The following FAM114A1 variants were observed in gnomAD, a reference collection of about 807,000 sequenced individuals.
The protein encoded by FAM114A1 is family with sequence similarity 114 member A1.
A neutral mutation model predicts 64.3 loss-of-function variants in FAM114A1; 62 were observed. The observed-to-expected ratio is 0.96, with a 90% CI of 0.79 to 1.19. The LOEUF (loss-of-function observed/expected upper bound fraction) is 1.19. FAM114A1 is among the 50% of genes most tolerant of loss of function. The pLI, the probability that FAM114A1 is intolerant of heterozygous loss-of-function variation, is 0.00. For missense variants in FAM114A1, 645 were observed against 676.3 expected (o/e 0.95, Z 0.51); for synonymous variants, 254 against 251.1 (o/e 1.01, Z -0.11).
Position 38,941,033 on chromosome 4 carries a change from C to G in FAM114A1, c.1590+12C>G. 6.2e-7 allele frequency: 1 copy of G among 1,611,182 alleles called. No individual in the cohort carries two copies. The highest frequency in any genetic ancestry group is 8.5e-7 in the Non-Finnish European group (1 of 1,178,846). Reference sequence around the variant, plus strand: ...GTGTATTGTTAGAGGTAAGTGGCCTCTGGAGAGAAAGTGCTTCTGAATCAA... The same window carrying G: ...GTGTATTGTTAGAGGTAAGTGGCCTGTGGAGAGAAAGTGCTTCTGAATCAA... On this transcript the variant is annotated intron_variant, in intron 14 of 14. Transcript: ENST00000358869.
chr4:38,899,274 C>T (rs551233921), intron 4 of FAM114A1, among the ~76,000 whole-genome samples: 1 of 152,250 alleles, frequency 6.6e-6, no homozygotes, highest in East Asian at 1.9e-4. Context: ...GAGGTCTTAA[C>T]CTATCCCATT....
In FAM114A1 at chr4:38,871,086, C is replaced by CT. The variant is rs9306968; in HGVS notation, c.-9+2561dup. ...TTGCATGGCTTTCTTTTTTTTCTTT[C>CT]TTTTTTTTTTTTTTTTTTTTTGCGA... is the stretch of plus-strand genomic sequence containing the variant. On this transcript the variant is annotated intron_variant, in intron 2 of 14. Transcript: ENST00000358869. 8.6e-3 allele frequency among the ~76,000 whole-genome samples: 807 copies of CT among 93,948 alleles called. 9 individuals are homozygous for CT. Among genetic ancestry groups the CT allele is most frequent in the South Asian group, 0.032 (93 of 2,926 alleles). 61.6% of individuals were successfully genotyped at this position (93,948 alleles called of 152,430 possible). A position where few individuals can be genotyped will look rare whatever the true frequency, so the allele number is the denominator to read the frequency against.
chr4:38,943,819 C>A lies in FAM114A1; in HGVS notation c.*262C>A. The A allele has an allele frequency of 3.2e-6, 1 of 313,550 alleles. No homozygotes were observed. Among genetic ancestry groups the A allele is most frequent in the Non-Finnish European group, 6.1e-6 (1 of 164,780 alleles). 19.4% of individuals were successfully genotyped at this position (313,550 alleles called of 1,614,324 possible). A position where few individuals can be genotyped will look rare whatever the true frequency, so the allele number is the denominator to read the frequency against. Reference sequence around the variant, plus strand: ...GCTTATATTGAAAATTTCCTTTCATCTGAAATTTATTTACAAATATTCGTG... The same window carrying A: ...GCTTATATTGAAAATTTCCTTTCATATGAAATTTATTTACAAATATTCGTG... On this transcript the variant is annotated 3_prime_UTR_variant, in exon 15 of 15. Coordinates refer to ENST00000358869, the MANE Select transcript of FAM114A1 (RefSeq NM_138389.4).
chr4:38,921,508 C>T (rs1206784755), intron 8 of FAM114A1, among the ~76,000 whole-genome samples: 5 of 152,172 alleles, frequency 3.3e-5, no homozygotes, highest in Non-Finnish European at 4.4e-5. Context: ...GTGATCCTCC[C>T]GCCTCAGCCT....
chr4:38,905,959 T>C lies in FAM114A1; in HGVS notation c.657+98T>C, dbSNP rs111373482. The C allele has an allele frequency of 1.3e-4, 139 of 1,052,396 alleles. 2 individuals are homozygous for C. In the African/African-American group the frequency reaches 1.5e-3, roughly 11 times the overall value. The allele number at this position is 1,052,396 out of a possible 1,614,324, so 65.2% of individuals were successfully genotyped here. On this transcript the variant is annotated intron_variant, in intron 6 of 14. Transcript: ENST00000358869. ...TGACCTAGATACATCAGAGAAACGA[T>C]GGCCTTGCTCAGAACTTTGGATTAT...
chr4:38,918,081 G>A (rs890581427), intron 8 of FAM114A1, among the ~76,000 whole-genome samples: 5 of 151,816 alleles, frequency 3.3e-5, no homozygotes, highest in East Asian at 1.9e-4. Flanking sequence ...AAAATTAGCC[G>A]GGCATGGTGA....
chr4:38,932,391 T>G lies in FAM114A1; in HGVS notation c.1463+17T>G. 6.3e-7 allele frequency: 1 copy of G among 1,582,490 alleles called. No homozygotes were observed. The highest frequency in any genetic ancestry group is 2.2e-5 in the East Asian group (1 of 44,494). Reference sequence around the variant, plus strand: ...TCTAATAAAGTAAGTAAATGTTACTTTAAATTCTTATTTTCCCAGTTTTAT... The same window carrying G: ...TCTAATAAAGTAAGTAAATGTTACTGTAAATTCTTATTTTCCCAGTTTTAT... On this transcript the variant is annotated intron_variant, in intron 12 of 14. Coordinates refer to ENST00000358869, the MANE Select transcript of FAM114A1 (RefSeq NM_138389.4).
rs190429209 is a variant in FAM114A1, at chr4:38,883,267, C to T, written c.348+4841C>T. Among the ~76,000 whole-genome samples, 105 of 152,262 alleles carry T rather than the reference C, an allele frequency of 6.9e-4. 2 individuals are homozygous for T. The highest frequency in any genetic ancestry group is 6.2e-3 in the Admixed American group (95 of 15,292). ...CCTCTAGTACTAGATAGGACAGGCA[C>T]AAGGGAGGCTTTAGACAGAGCATTT... On this transcript the variant is annotated intron_variant, in intron 3 of 14. Transcript: ENST00000358869.
At chr4:38,891,972 A>T (rs1019564576) in intron 4 of FAM114A1, 142 bp downstream of exon 4, 3 of 605,790 alleles carry the variant, frequency 5.0e-6, no homozygotes, top group Non-Finnish European at 7.6e-6. Flanking sequence ...TAAGTGCTTC[A>T]TTTATTCCTC....
chr4:38,885,730 C>T (rs2381345), intron 3 of FAM114A1, among the ~76,000 whole-genome samples: 71,260 of 151,934 alleles, frequency 0.47, 16,779 homozygotes, highest in Middle Eastern at 0.52. Context: ...GATAATAGAA[C>T]CTCTATAAAT....
chr4:38,935,836 A>G (rs746668246), intron 13 of FAM114A1, 46 bp downstream of exon 13: 4 of 1,374,722 alleles, frequency 2.9e-6, no homozygotes, highest in Admixed American at 1.8e-5. Context: ...TAAGGGAAGT[A>G]TGTCTGTGAG....
chr4:38,874,323 G>A (rs1440605246), intron 2 of FAM114A1, among the ~76,000 whole-genome samples: 1 of 152,190 alleles, frequency 6.6e-6, no homozygotes, highest in Non-Finnish European at 1.5e-5. Context: ...TTGAGAGGGT[G>A]AAAGCGTGGT....
chr4:38,899,055 A>T (rs1717253735), intron 4 of FAM114A1, among the ~76,000 whole-genome samples: 2 of 150,504 alleles, frequency 1.3e-5, no homozygotes, highest in Admixed American at 1.3e-4. Context: ...AGATATATCT[A>T]TCTCCATTCA....
chr4:38,878,383 C>A lies in FAM114A1; in HGVS notation c.305C>A (p.Ala102Glu), dbSNP rs775302665. Residue 102 changes from alanine to glutamate, a missense_variant, in exon 3 of 15, where the codon GCA (alanine) becomes GAA (glutamate). Ala to Glu is a moderately radical substitution (Grantham distance 107, BLOSUM62 -1). Coordinates refer to ENST00000358869, the MANE Select transcript of FAM114A1 (RefSeq NM_138389.4). The stretch of plus-strand genomic sequence containing the variant: ...TGTATTGATTCCGTCAGCCTTGAGG[C>A]AGAACCCAGATCCGAAATACCCCTG... ...AECIDSVSLE[A>E]EPRSEIPLQE... The A allele has an allele frequency of 6.2e-7, 1 of 1,609,252 alleles. No individual in the cohort carries two copies. Among genetic ancestry groups the A allele is most frequent in the Non-Finnish European group, 8.5e-7 (1 of 1,177,328 alleles).
intron 8 of FAM114A1, among the ~76,000 whole-genome samples, chr4:38,915,807 C>A (rs1719002800): frequency 6.7e-6 from 1 of 150,162 alleles, no homozygotes; most frequent in South Asian, 2.1e-4. Flanking sequence ...ATTTAGCAAG[C>A]ACTTAATGGC....
intron 8 of FAM114A1, among the ~76,000 whole-genome samples, chr4:38,920,205 CAAA>C (rs567275919): frequency 7.4e-6 from 1 of 134,282 alleles, no homozygotes. Context: ...AGACCCGTCT[CAAA>C]AAAAAAAAAG....
intron 7 of FAM114A1, among the ~76,000 whole-genome samples, chr4:38,913,266 C>T (rs1400890958): frequency 6.6e-6 from 1 of 152,108 alleles, no homozygotes; most frequent in Non-Finnish European, 1.5e-5. Context: ...GACTGATGGA[C>T]TTGTGTTTAT....
intron 9 of FAM114A1, among the ~76,000 whole-genome samples, chr4:38,923,255 C>G (rs543721003): frequency 7.4e-6 from 1 of 135,080 alleles, no homozygotes; most frequent in East Asian, 2.2e-4. Flanking sequence ...GATGGAGTCT[C>G]GCTCTGTTGC....
intron 7 of FAM114A1, chr4:38,914,636 C>G: frequency 3.4e-6 from 1 of 294,334 alleles, no homozygotes. Context: ...TCAGTGGAAA[C>G]CACTGTTAAA....
Sources: allele counts gnomAD v4.1 joint callset (sites outside exome capture counted in the v4.1 genomes callset), GRCh38; gene constraint gnomAD v4.1.1; transcripts MANE v1.5; gene names NCBI Gene and HGNC (gene_info 2026-07-23, HGNC 2026-07-21).